CD44: variants seen among roughly 807,000 people sequenced by gnomAD.
CD44 encodes CD44 antigen.
Under a neutral mutation model 88.8 loss-of-function variants are expected in CD44, and 49 were observed. The ratio of observed to expected loss-of-function variants is 0.55; its 90% CI spans 0.44 to 0.70. The LOEUF (loss-of-function observed/expected upper bound fraction) is 0.70. CD44 is among the 30% of genes least tolerant of loss of function. CD44 has a pLI of 0.00. For missense variants in CD44, 883 were observed against 913.8 expected, an observed-to-expected ratio of 0.97 and a Z score of 0.43; for synonymous variants, 325 against 312.3, an observed-to-expected ratio of 1.04 and a Z score of -0.43.
chr11:35,222,630 A>T (rs1949400715), intron 17 of CD44: 6 of 727,530 alleles, frequency 8.2e-6, no homozygotes, highest in Non-Finnish European at 1.0e-5. Context: ...CATACATTAT[A>T]TATACACAAT....
intron 2 of CD44, among the ~76,000 whole-genome samples, chr11:35,178,705 C>A (rs1036908597): frequency 1.3e-5 from 2 of 152,110 alleles, no homozygotes; most frequent in Non-Finnish European, 2.9e-5. Context: ...TAATAGCTTA[C>A]AAAGAGAATG....
At chr11:35,201,890 C>T in intron 9 of CD44, 103 bp downstream of exon 9, 1 of 1,187,898 alleles carries the variant, frequency 8.4e-7, no homozygotes, top group South Asian at 1.4e-5. Flanking sequence ...CTTCTATTTC[C>T]ACTCGGTAAT....
intron 11 of CD44, among the ~76,000 whole-genome samples, 184 bp from the exon 12 acceptor site, chr11:35,207,921 G>C (rs1022103065): frequency 6.6e-6 from 1 of 152,208 alleles, no homozygotes; most frequent in African/African-American, 2.4e-5. Context: ...AGGAAAGCCA[G>C]TTACTTGTTG....
In CD44 at chr11:35,158,104, G is replaced by A. The variant is rs353612; in HGVS notation, c.68-18471G>A. Among the ~76,000 whole-genome samples the A allele has an allele frequency of 0.23, 34,809 of 152,096 alleles. 4,146 individuals are homozygous for A. Among genetic ancestry groups the A allele is most frequent in the African/African-American group, 0.28 (11,466 of 41,488 alleles). ...CACTTTTGTATTCTGCATTGTTTGC[G>A]TTGTTAAAAACTCTGGAAAACTCAT... On this transcript the variant is annotated intron_variant, in intron 1 of 17. Coordinates refer to ENST00000428726, the MANE Select transcript of CD44 (RefSeq NM_000610.4).
rs1444869775 is a variant in CD44 at position 35,227,275 on chromosome 11, TC to T, written c.2025-1852del. 3.3e-5 allele frequency among the ~76,000 whole-genome samples: 5 copies of T among 152,152 alleles called. No individual in the cohort carries two copies. The East Asian group carries it at 9.6e-4, about 29-fold the overall frequency. Reference sequence around the variant, plus strand: ...AACACAGCTCACTGCAGCCTCGACTTCCTGGGCTCAAGTAATTCTCCCACCT... The same window carrying T: ...AACACAGCTCACTGCAGCCTCGACTTCTGGGCTCAAGTAATTCTCCCACCT... On this transcript the variant is annotated intron_variant, in intron 17 of 17. Coordinates refer to ENST00000428726, the MANE Select transcript of CD44 (RefSeq NM_000610.4).
chr11:35,150,968 A>C (rs545044930), intron 1 of CD44, among the ~76,000 whole-genome samples: 262 of 152,380 alleles, frequency 1.7e-3, no homozygotes, highest in African/African-American at 6.1e-3. Flanking sequence ...GGAGCTTACC[A>C]TTTGGTGGAA....
intron 2 of CD44, 155 bp downstream of exon 2, chr11:35,176,895 T>C (rs1379980638): frequency 1.5e-5 from 10 of 657,874 alleles, no homozygotes; most frequent in Admixed American, 3.1e-5. Context: ...CTGCAACCTG[T>C]ATGACAACTG....
chr11:35,158,755 A>G (rs1487962379), intron 1 of CD44, among the ~76,000 whole-genome samples: 1 of 152,242 alleles, frequency 6.6e-6, no homozygotes, highest in Admixed American at 6.5e-5. Flanking sequence ...GCAAGCTGAC[A>G]CTATGTGCAT....
chr11:35,175,089 C>T (rs1050933270), intron 1 of CD44, among the ~76,000 whole-genome samples: 2 of 152,116 alleles, frequency 1.3e-5, no homozygotes, highest in Non-Finnish European at 2.9e-5. Flanking sequence ...AAAAATGAAC[C>T]ACCTATGTGA....
intron 7 of CD44, 98 bp from the exon 8 acceptor site, chr11:35,200,984 T>G: frequency 1.2e-6 from 1 of 857,842 alleles, no homozygotes; most frequent in South Asian, 1.4e-5. Flanking sequence ...TATAGATGAT[T>G]CATTGCATAG....
chr11:35,163,173 T>C (rs1942846514), intron 1 of CD44, among the ~76,000 whole-genome samples: 1 of 152,160 alleles, frequency 6.6e-6, no homozygotes, highest in Non-Finnish European at 1.5e-5. Context: ...AATCCACCTG[T>C]AAGTCAGTGG....
At chr11:35,157,063 T>C (rs981303698) in intron 1 of CD44, among the ~76,000 whole-genome samples, 3 of 151,784 alleles carry the variant, frequency 2.0e-5, no homozygotes, top group African/African-American at 7.3e-5. Context: ...AAATAGCCTG[T>C]CTACTCTATT....
chr11:35,176,498 T>C, intron 1 of CD44, 77 bp from the exon 2 acceptor site: 2 of 1,386,926 alleles, frequency 1.4e-6, no homozygotes, highest in East Asian at 2.4e-5. Flanking sequence ...TTTTAAGGAG[T>C]CTGTCCTAAA....
rs1358499644 is a variant in CD44 at position 35,181,997 on chromosome 11, A to ATAATATATATAAAT, written c.367+1591_367+1592insAATATATATAAATT. On this transcript the variant is annotated intron_variant, in intron 3 of 17. Coordinates refer to ENST00000428726, the MANE Select transcript of CD44 (RefSeq NM_000610.4). The stretch of plus-strand genomic sequence containing the variant: ...TATTATATATTATATATAAATTTAT[A>ATAATATATATAAAT]TTTATATATATGTATATATGTATAT... Among the ~76,000 whole-genome samples, 332 of 111,832 alleles carry ATAATATATATAAAT rather than the reference A, an allele frequency of 3.0e-3. 9 individuals carry two copies. The highest frequency in any genetic ancestry group is 0.014 in the Admixed American group (104 of 7,648). The allele number at this position is 111,832 out of a possible 152,430, so 73.4% of individuals were successfully genotyped here. A position where few individuals can be genotyped will look rare whatever the true frequency, so the allele number is the denominator to read the frequency against.
At chr11:35,225,571 C>T (rs1949641211) in intron 17 of CD44, among the ~76,000 whole-genome samples, 1 of 152,070 alleles carries the variant, frequency 6.6e-6, no homozygotes, top group African/African-American at 2.4e-5. Flanking sequence ...AATCCCAGCA[C>T]TTTGGGAGGC....
chr11:35,170,571 A>C (rs967073246), intron 1 of CD44, among the ~76,000 whole-genome samples: 1 of 152,198 alleles, frequency 6.6e-6, no homozygotes, highest in African/African-American at 2.4e-5. Flanking sequence ...AGTTGAGCTC[A>C]TTTATCGCTC....
At chr11:35,144,433 C>A (rs1024158433) in intron 1 of CD44, among the ~76,000 whole-genome samples, 3 of 152,176 alleles carry the variant, frequency 2.0e-5, no homozygotes, top group Non-Finnish European at 4.4e-5. Flanking sequence ...ACTCAATTTC[C>A]TTTGTGTCCC....
At chr11:35,206,421 A>G (rs1947845544) in intron 11 of CD44, among the ~76,000 whole-genome samples, 178 bp downstream of exon 11, 1 of 152,156 alleles carries the variant, frequency 6.6e-6, no homozygotes, top group Admixed American at 6.5e-5. Context: ...CTGAATATGA[A>G]GTTCTGAGCT....
chr11:35,158,319 G>A (rs1942168087), intron 1 of CD44, among the ~76,000 whole-genome samples: 1 of 152,200 alleles, frequency 6.6e-6, no homozygotes. Context: ...GACGCATTGG[G>A]GAGTTTGCTT....
Sources: gnomAD v4.1 joint callset for allele counts (sites outside exome capture counted in the v4.1 genomes callset) on GRCh38, gnomAD v4.1.1 for gene constraint, MANE v1.5 for transcripts, NCBI Gene and HGNC (gene_info 2026-07-23, HGNC 2026-07-21) for gene names.